Variants in ZFYVE27 observed in about 807,000 individuals in gnomAD.
ZFYVE27 encodes protrudin.
ZFYVE27 carries 36 observed loss-of-function variants against 52.8 expected under a neutral mutation model. The observed-to-expected ratio is 0.68, with a 90% CI of 0.52 to 0.90. ZFYVE27 has a LOEUF of 0.90. Among genes scored for constraint, ZFYVE27 ranks in the 40% least tolerant of loss-of-function variants. The pLI is 0.00. For synonymous variants in ZFYVE27, 223 were observed against 215.6 expected (o/e 1.03, Z -0.30); for missense variants, 450 against 527.2 (o/e 0.85, Z 1.43).
intron 4 of ZFYVE27, among the ~76,000 whole-genome samples, 175 bp downstream of exon 4, chr10:97,745,090 GA>G (rs1564813076): frequency 6.6e-6 from 1 of 152,268 alleles, no homozygotes; most frequent in Admixed American, 6.5e-5. Context: ...TATGGGTAAA[GA>G]AAAAGGCTGA....
Position 97,759,249 on chromosome 10 carries a change from G to C in ZFYVE27, c.1185G>C (p.Gln395His). ...CCTCCTTTTCAGCCCCTGAAGCCCA[G>C]AGGGAGACTGTGTTTGTGTGTGCCT... ...SSMGATAPEAQRETVFVCASC... is the reference protein window; with the variant it reads ...SSMGATAPEAHRETVFVCASC... The change falls in exon 13 of 13, where the codon CAG becomes CAC. Residue 395 changes from glutamine to histidine, a missense_variant. Physicochemically the swap from Gln to His is conservative, Grantham distance 24. Coordinates refer to ENST00000684270, the MANE Select transcript of ZFYVE27 (RefSeq NM_001385875.1). 1.2e-6 allele frequency: 2 copies of C among 1,614,180 alleles called. No homozygotes were observed. Among genetic ancestry groups the C allele is most frequent in the South Asian group, 2.2e-5 (2 of 91,084 alleles).
At chr10:97,741,438 A>G (rs897616480) in intron 2 of ZFYVE27, among the ~76,000 whole-genome samples, 4 of 152,236 alleles carry the variant, frequency 2.6e-5, no homozygotes, top group African/African-American at 9.7e-5. Context: ...GCAGCCATGA[A>G]AAAGGATAAG....
chr10:97,759,800 C>T lies in ZFYVE27; in HGVS notation c.*500C>T, dbSNP rs148426983. ...CACCCCATCTCTGCTGATTGAATGT[C>T]CCTCCAGGCACCAGGATCTCATCAT... On this transcript the variant is annotated 3_prime_UTR_variant, in exon 13 of 13. Coordinates refer to ENST00000684270, the MANE Select transcript of ZFYVE27 (RefSeq NM_001385875.1). 1.9e-3 allele frequency: 369 copies of T among 191,708 alleles called. 2 individuals carry two copies. The highest frequency in any genetic ancestry group is 7.9e-3 in the African/African-American group (347 of 43,950). 11.9% of individuals were successfully genotyped at this position (191,708 alleles called of 1,614,324 possible). A position where few individuals can be genotyped will look rare whatever the true frequency, so the allele number is the denominator to read the frequency against.
rs538319565 is a variant in ZFYVE27 at position 97,744,889 on chromosome 10, C to G, written c.429C>G (p.Pro143=). 1 of 1,596,030 alleles carries G rather than the reference C, an allele frequency of 6.3e-7. No individual in the cohort carries two copies. The highest frequency in any genetic ancestry group is 1.3e-5 in the African/African-American group (1 of 74,676). ...TGCAGAGAGGTCGCCTGTCTCGTCCCGAGGCCGTGGCTGAGGTGAAGAGCT... is the reference window on the plus strand; with the variant it reads ...TGCAGAGAGGTCGCCTGTCTCGTCCGGAGGCCGTGGCTGAGGTGAAGAGCT... The part of the protein sequence containing the change: ...EDLQRGRLSR[P]EAVAEVKSFL... Residue 143 remains proline, a synonymous_variant, in exon 4 of 13, where the codon CCC becomes CCG. Coordinates refer to ENST00000684270, the MANE Select transcript of ZFYVE27 (RefSeq NM_001385875.1).
Position 97,751,423 on chromosome 10 carries a change from G to A in ZFYVE27, c.837G>A (p.Glu279=). Residue 279 remains glutamate (E), a synonymous_variant, in exon 8 of 13, where the codon GAG becomes GAA. Transcript: ENST00000684270. ...CACCGGGCAGCGTGGAGGAGGCTGAGGAGGCTGAGCCAGATGAAGAGTTTA... is the reference window on the plus strand; with the variant it reads ...CACCGGGCAGCGTGGAGGAGGCTGAAGAGGCTGAGCCAGATGAAGAGTTTA... ...DLTPGSVEEA[E]EAEPDEEFKD... 1 of 1,614,028 alleles carries A rather than the reference G, an allele frequency of 6.2e-7. No individual in the cohort carries two copies. The highest frequency in any genetic ancestry group is 1.3e-5 in the African/African-American group (1 of 75,056).
intron 12 of ZFYVE27, 142 bp downstream of exon 12, chr10:97,757,865 T>C (rs2048785769): frequency 4.3e-6 from 3 of 696,598 alleles, no homozygotes; most frequent in Admixed American, 2.7e-5. Context: ...CCATCCCCTT[T>C]AGCAAAATCC....
At chr10:97,751,573 T>C (rs900354899) in intron 8 of ZFYVE27, 111 bp downstream of exon 8, 1 of 1,058,304 alleles carries the variant, frequency 9.4e-7, no homozygotes, top group South Asian at 1.3e-5. Flanking sequence ...TAAAACTTGC[T>C]GTGAGCTAGA....
chr10:97,754,313 CTTTT>C (rs35784590), intron 10 of ZFYVE27, among the ~76,000 whole-genome samples: 22 of 130,670 alleles, frequency 1.7e-4, no homozygotes, highest in Admixed American at 3.0e-4. Context: ...TTCAAGATCC[CTTTT>C]TTTTTTTTTT....
intron 7 of ZFYVE27, 128 bp from the exon 8 acceptor site, chr10:97,751,263 T>A (rs1032907185): frequency 9.4e-7 from 1 of 1,068,218 alleles, no homozygotes; most frequent in Non-Finnish European, 1.4e-6. Flanking sequence ...GTGAGTTCCT[T>A]CTTTCTTGCC....
At chr10:97,755,080 T>G (rs1361582690) in intron 10 of ZFYVE27, among the ~76,000 whole-genome samples, 1 of 152,264 alleles carries the variant, frequency 6.6e-6, no homozygotes, top group Non-Finnish European at 1.5e-5. Context: ...ATTTGATTTT[T>G]GGTTTGGATA....
intron 10 of ZFYVE27, chr10:97,754,972 T>G (rs1415267614): frequency 3.2e-6 from 1 of 311,496 alleles, no homozygotes; most frequent in African/African-American, 2.3e-5. Flanking sequence ...GTTGTCTGAT[T>G]CGGCTCTTGT....
At chr10:97,739,892 T>TG (rs1386575374) in intron 2 of ZFYVE27, among the ~76,000 whole-genome samples, 8 of 151,782 alleles carry the variant, frequency 5.3e-5, no homozygotes, top group African/African-American at 1.2e-4. Flanking sequence ...AGTGTTTTTT[T>TG]TTTTTTTTGC....
At chr10:97,739,231 A>G (rs1001165646) in intron 2 of ZFYVE27, among the ~76,000 whole-genome samples, 1 of 150,640 alleles carries the variant, frequency 6.6e-6, no homozygotes, top group Non-Finnish European at 1.5e-5. Context: ...ATGCCTGGCT[A>G]ATTAAAAAAA....
intron 4 of ZFYVE27, 113 bp from the exon 5 acceptor site, chr10:97,748,156 G>C (rs1202969353): frequency 1.0e-6 from 1 of 966,642 alleles, no homozygotes; most frequent in Non-Finnish European, 1.6e-6. Flanking sequence ...TAAGCACATG[G>C]TGAGTGTGTT....
intron 1 of ZFYVE27, among the ~76,000 whole-genome samples, chr10:97,738,100 T>C (rs1287128842): frequency 1.3e-5 from 2 of 152,004 alleles, no homozygotes; most frequent in African/African-American, 4.8e-5. Context: ...TCGGAGAGGG[T>C]CTCCCAGTCC....
rs770342659 is a variant in ZFYVE27 at position 97,738,635 on chromosome 10, C to A, written c.158C>A (p.Pro53His). 1.2e-6 allele frequency: 2 copies of A among 1,614,160 alleles called. No homozygotes were observed. The highest frequency in any genetic ancestry group is 1.7e-6 in the Non-Finnish European group (2 of 1,180,030). ...SYKRLEIYLE[P>H]LKDAGDGVRY... The stretch of plus-strand genomic sequence containing the variant: ...AAGAGGCTGGAGATCTACCTGGAAC[C>A]CTTGAAGGATGCAGGTGATGGTGTT... The change falls in exon 2 of 13, where the codon CCC (proline) becomes CAC (histidine). Residue 53 changes from proline (P) to histidine (H), a missense_variant. Transcript: ENST00000684270.
chr10:97,757,939 C>T, intron 12 of ZFYVE27: 1 of 562,666 alleles, frequency 1.8e-6, no homozygotes, highest in South Asian at 2.1e-5. Context: ...AGGGTAATAA[C>T]AAGATGAATA....
chr10:97,738,925 T>G, intron 2 of ZFYVE27: 3 of 524,480 alleles, frequency 5.7e-6, no homozygotes, highest in Non-Finnish European at 1.0e-5. Flanking sequence ...AATAAGCTCC[T>G]TCCTCTGGAC....
At chr10:97,750,198 C>T in intron 6 of ZFYVE27, 133 bp from the exon 7 acceptor site, 3 of 1,151,100 alleles carry the variant, frequency 2.6e-6, no homozygotes, top group Admixed American at 1.9e-5. Flanking sequence ...GTGACTCGCT[C>T]AGAGTTAGGA....
Sources: allele counts gnomAD v4.1 joint callset (sites outside exome capture counted in the v4.1 genomes callset), GRCh38; gene constraint gnomAD v4.1.1; transcripts MANE v1.5; gene names NCBI Gene and HGNC (gene_info 2026-07-23, HGNC 2026-07-21).